The following SLIT3 variants were observed in gnomAD, a reference collection of about 807,000 sequenced individuals.
The protein encoded by SLIT3 is slit homolog 3 protein.
In SLIT3, 68 loss-of-function variants were observed where a neutral mutation model predicts 184.0. The ratio of observed to expected loss-of-function variants is 0.37; its 90% CI spans 0.30 to 0.45. The LOEUF is 0.45. Ranked by LOEUF, SLIT3 falls within the 20% of genes least tolerant of loss-of-function variation. SLIT3 has a pLI of 1.00. For synonymous variants in SLIT3, 831 were observed against 828.6 expected (o/e 1.00, Z -0.05); for missense variants, 1,707 against 2,026.0 (o/e 0.84, Z 3.02).
At chr5:168,870,613 C>G (rs1277857167) in intron 5 of SLIT3, among the ~76,000 whole-genome samples, 1 of 152,196 alleles carries the variant, frequency 6.6e-6, no homozygotes, top group Non-Finnish European at 1.5e-5. Context: ...ATGACAAAAC[C>G]TAGCTCCTTC....
Position 169,285,251 on chromosome 5 carries a change from C to T in SLIT3, c.197+15262G>A, listed in dbSNP as rs549781947. 7.9e-5 allele frequency among the ~76,000 whole-genome samples: 12 copies of T among 152,260 alleles called. 1 individual carries two copies. Among genetic ancestry groups the T allele is most frequent in the South Asian group, 6.2e-4 (3 of 4,826 alleles). The stretch of plus-strand genomic sequence containing the variant: ...GATTTTTGAATCCAGATCTCCTTGG[C>T]GCTAAGCTCCTGGTCTTTCCACCAA... On this transcript the variant is annotated intron_variant, in intron 1 of 35. Transcript: ENST00000519560.
chr5:169,130,205 C>T (rs1581439355), intron 4 of SLIT3, among the ~76,000 whole-genome samples: 1 of 152,118 alleles, frequency 6.6e-6, no homozygotes, highest in African/African-American at 2.4e-5. Flanking sequence ...ATGAAGGAAA[C>T]CAGACTAGAG....
At chr5:169,216,970 G>A (rs144104731) in intron 3 of SLIT3, among the ~76,000 whole-genome samples, 2 of 152,146 alleles carry the variant, frequency 1.3e-5, no homozygotes, top group Non-Finnish European at 2.9e-5. Context: ...AAGAATGTGA[G>A]CCACTGATAC....
chr5:169,294,255 C>G (rs1199647938), intron 1 of SLIT3, among the ~76,000 whole-genome samples: 1 of 106,102 alleles, frequency 9.4e-6, no homozygotes, highest in Non-Finnish European at 2.1e-5. Flanking sequence ...AAGGAATGAG[C>G]ATTGAAAAAA....
At chr5:168,891,245 C>T (rs1314443905) in intron 4 of SLIT3, among the ~76,000 whole-genome samples, 2 of 152,068 alleles carry the variant, frequency 1.3e-5, no homozygotes, top group Admixed American at 6.6e-5. Context: ...TGATGTTGGG[C>T]AAAATGCCTG....
intron 20 of SLIT3, among the ~76,000 whole-genome samples, chr5:168,739,035 C>A (rs540041098): frequency 1.3e-5 from 2 of 151,932 alleles, no homozygotes; most frequent in African/African-American, 4.8e-5. Context: ...CTTTTCACTG[C>A]CACATTGAGC....
intron 4 of SLIT3, among the ~76,000 whole-genome samples, chr5:169,129,879 TG>T (rs1420172898): frequency 2.0e-5 from 3 of 152,094 alleles, no homozygotes; most frequent in Non-Finnish European, 4.4e-5. Flanking sequence ...GATGAAGTCT[TG>T]CTCTGTCACA....
At chr5:168,783,085 C>T (rs949876776) in intron 12 of SLIT3, among the ~76,000 whole-genome samples, 2 of 152,070 alleles carry the variant, frequency 1.3e-5, no homozygotes, top group African/African-American at 4.8e-5. Context: ...TTTGTGAGAG[C>T]GTGCATGAGA....
chr5:168,700,570 G>GTGAACTGTTAC lies in SLIT3; in HGVS notation c.2942+1_2942+11dup. On this transcript the variant is annotated intron_variant, in intron 27 of 35. Transcript: ENST00000519560. ...ACTAATACAGTGAGGGAGGCCAGGGGTGAACTGTTACCTGAACCCATCCTT... is the reference window on the plus strand; with the variant it reads ...ACTAATACAGTGAGGGAGGCCAGGGGTGAACTGTTACTGAACTGTTACCTGAACCCATCCTT... 1 of 1,596,974 alleles carries GTGAACTGTTAC rather than the reference G, an allele frequency of 6.3e-7. No homozygotes were observed. Among genetic ancestry groups the GTGAACTGTTAC allele is most frequent in the Non-Finnish European group, 8.6e-7 (1 of 1,164,426 alleles).
chr5:169,168,178 G>A (rs768049983), intron 4 of SLIT3, among the ~76,000 whole-genome samples: 2 of 152,130 alleles, frequency 1.3e-5, no homozygotes, highest in African/African-American at 2.4e-5. Context: ...CTCTAAGCAC[G>A]GGTCAGCCCC....
At chr5:169,112,302 G>A (rs777305276) in intron 4 of SLIT3, among the ~76,000 whole-genome samples, 1 of 152,186 alleles carries the variant, frequency 6.6e-6, no homozygotes, top group African/African-American at 2.4e-5. Flanking sequence ...TCAGCCTGAA[G>A]GTCATGCAGT....
intron 4 of SLIT3, among the ~76,000 whole-genome samples, chr5:169,032,343 T>C (rs1757056889): frequency 6.6e-6 from 1 of 152,196 alleles, no homozygotes; most frequent in African/African-American, 2.4e-5. Flanking sequence ...GGTTAGAAGT[T>C]TGGATTTGTA....
At chr5:168,673,761 C>A (rs1373119650) in intron 32 of SLIT3, among the ~76,000 whole-genome samples, 1 of 152,208 alleles carries the variant, frequency 6.6e-6, no homozygotes, top group Non-Finnish European at 1.5e-5. Context: ...CTGCATTGGA[C>A]CCAATACTGT....
intron 4 of SLIT3, among the ~76,000 whole-genome samples, chr5:168,919,910 A>G (rs1467016158): frequency 6.6e-6 from 1 of 152,174 alleles, no homozygotes; most frequent in Non-Finnish European, 1.5e-5. Flanking sequence ...ACTCAATTTG[A>G]TATTATTCAA....
chr5:168,708,238 C>G, intron 25 of SLIT3, 138 bp from the exon 26 acceptor site: 2 of 1,127,568 alleles, frequency 1.8e-6, no homozygotes, highest in Non-Finnish European at 2.6e-6. Flanking sequence ...AGCTGGCTCT[C>G]CTCAGCCAGC....
rs1756139971 is a variant in SLIT3 at position 168,785,995 on chromosome 5, G to T, written c.1080-17C>A. ...TACAGGACCCTGAAAGAGAGAAGGA[G>T]AAGACAGCAATCACTGTGGATGTGA... On this transcript the variant is annotated splice_polypyrimidine_tract_variant and intron_variant, in intron 11 of 35. Transcript: ENST00000519560. The T allele has an allele frequency of 2.5e-6, 4 of 1,580,660 alleles. No homozygotes were observed. The highest frequency in any genetic ancestry group is 1.3e-5 in the African/African-American group (1 of 74,374).
intron 3 of SLIT3, among the ~76,000 whole-genome samples, chr5:169,232,310 C>T (rs1022580366): frequency 1.4e-4 from 21 of 152,068 alleles, no homozygotes; most frequent in Admixed American, 4.6e-4. Flanking sequence ...CTGCAACCTC[C>T]GCCTCTTGGG....
intron 4 of SLIT3, among the ~76,000 whole-genome samples, chr5:169,117,202 A>C (rs549618638): frequency 2.0e-5 from 3 of 152,202 alleles, no homozygotes; most frequent in Non-Finnish European, 2.9e-5. Context: ...CACCCATAAA[A>C]ATAGAGAAAA....
intron 6 of SLIT3, among the ~76,000 whole-genome samples, chr5:168,836,695 C>T (rs958465978): frequency 1.3e-5 from 2 of 152,112 alleles, no homozygotes; most frequent in East Asian, 1.9e-4. Flanking sequence ...AAGACCACCA[C>T]GACTTGCCGA....
Sources: allele counts gnomAD v4.1 joint callset (sites outside exome capture counted in the v4.1 genomes callset), GRCh38; gene constraint gnomAD v4.1.1; transcripts MANE v1.5; gene names NCBI Gene and HGNC (gene_info 2026-07-23, HGNC 2026-07-21).